Variants in RBPMS observed in about 807,000 individuals in gnomAD.
RBPMS encodes RNA-binding protein with multiple splicing.
Under a neutral mutation model 26.8 loss-of-function variants are expected in RBPMS, and 7 were observed. The observed-to-expected ratio is 0.26, with a 90% CI of 0.15 to 0.49. RBPMS has a LOEUF of 0.49. Ranked by LOEUF, RBPMS falls within the 20% of genes least tolerant of loss-of-function variation. The pLI, the probability that RBPMS is intolerant of heterozygous loss-of-function variation, is 0.98. For synonymous variants in RBPMS, 96 were observed against 93.3 expected (o/e 1.03, Z -0.17); for missense variants, 186 against 250.0 (o/e 0.74, Z 1.73).
intron 5 of RBPMS, 47 bp from the exon 6 acceptor site, chr8:30,544,447 C>T: frequency 6.3e-7 from 1 of 1,577,516 alleles, no homozygotes; most frequent in South Asian, 1.1e-5. Context: ...TGATTTGAAA[C>T]TAGCTGTATG....
chr8:30,556,175 TCCGCCAC>T (rs748727544), intron 6 of RBPMS: 3 of 985,418 alleles, frequency 3.0e-6, no homozygotes, highest in Non-Finnish European at 3.6e-6. Flanking sequence ...GGTCTGTGTG[TCCGCCAC>T]CCGCCACCAC....
intron 1 of RBPMS, among the ~76,000 whole-genome samples, chr8:30,452,151 TAAG>T (rs1269727130): frequency 2.6e-5 from 4 of 152,182 alleles, no homozygotes; most frequent in Non-Finnish European, 5.9e-5. Context: ...AAACAGGTTG[TAAG>T]AAGAAGGTGA....
chr8:30,514,943 G>C, intron 5 of RBPMS, among the ~76,000 whole-genome samples: 1 of 151,922 alleles, frequency 6.6e-6, no homozygotes, highest in East Asian at 1.9e-4. Context: ...ATCATGCATG[G>C]GTAAAGGTCT....
chr8:30,499,870 CTGTGTG>C (rs10543546), intron 4 of RBPMS, among the ~76,000 whole-genome samples: 53,188 of 150,004 alleles, frequency 0.35, 9,854 homozygotes, highest in Non-Finnish European at 0.41. Flanking sequence ...TCAGGGGAAA[CTGTGTG>C]TGTGTGTGTG....
intron 1 of RBPMS, among the ~76,000 whole-genome samples, chr8:30,427,079 C>T (rs192474939): frequency 6.6e-6 from 1 of 152,322 alleles, no homozygotes; most frequent in Non-Finnish European, 1.5e-5. Context: ...GCATGAGCCA[C>T]CACGCCAGGC....
At chr8:30,454,642 T>TG (rs1814989287) in intron 1 of RBPMS, among the ~76,000 whole-genome samples, 1 of 152,234 alleles carries the variant, frequency 6.6e-6, no homozygotes, top group Non-Finnish European at 1.5e-5. Flanking sequence ...ATAAATGTGT[T>TG]GGCCTCTAAT....
intron 4 of RBPMS, among the ~76,000 whole-genome samples, chr8:30,496,066 G>A (rs909907646): frequency 1.3e-5 from 2 of 152,118 alleles, no homozygotes; most frequent in Non-Finnish European, 2.9e-5. Context: ...TTAACATTGT[G>A]TGGGACTATC....
At position 30,570,775 on chromosome 8, in the gene RBPMS, C is replaced by T. The variant is rs1312107709; in HGVS notation, c.*250C>T. Reference sequence around the variant, plus strand: ...TACACTGTATAATTGTAAGAAATAGCGTATTATTTGTGAATGCATGGTCTG... The same window carrying T: ...TACACTGTATAATTGTAAGAAATAGTGTATTATTTGTGAATGCATGGTCTG... On this transcript the variant is annotated 3_prime_UTR_variant, in exon 9 of 9. Coordinates refer to ENST00000397323, the MANE Select transcript of RBPMS (RefSeq NM_001008710.3). 2.0e-5 allele frequency: 3 copies of T among 152,466 alleles called. No homozygotes were observed. Among genetic ancestry groups the T allele is most frequent in the Non-Finnish European group, 4.4e-5 (3 of 68,038 alleles). The allele number at this position is 152,466 out of a possible 1,614,324, so 9.4% of individuals were successfully genotyped here.
chr8:30,571,879 A>G lies in RBPMS; in HGVS notation c.*1354A>G, dbSNP rs1172911665. 1 of 152,212 alleles carries G rather than the reference A, an allele frequency of 6.6e-6. No individual in the cohort carries two copies. Among genetic ancestry groups the G allele is most frequent in the African/African-American group, 2.4e-5 (1 of 41,464 alleles). The allele number at this position is 152,212 out of a possible 1,614,324, so 9.4% of individuals were successfully genotyped here. A position where few individuals can be genotyped will look rare whatever the true frequency, so the allele number is the denominator to read the frequency against. On this transcript the variant is annotated 3_prime_UTR_variant, in exon 9 of 9. Transcript: ENST00000397323. ...TCAGCTGCCAAACACAGTCTTTCCTATTGATCCGCTCGGCTTATGTTGAAA... is the reference window on the plus strand; with the variant it reads ...TCAGCTGCCAAACACAGTCTTTCCTGTTGATCCGCTCGGCTTATGTTGAAA...
intron 5 of RBPMS, among the ~76,000 whole-genome samples, chr8:30,529,016 G>A (rs1158138310): frequency 6.6e-6 from 1 of 151,732 alleles, no homozygotes. Flanking sequence ...AGGAGTTCGA[G>A]ACCAGCCTGG....
intron 6 of RBPMS, among the ~76,000 whole-genome samples, chr8:30,551,113 G>A (rs1826330081): frequency 6.6e-6 from 1 of 152,128 alleles, no homozygotes; most frequent in East Asian, 1.9e-4. Context: ...GGAAACCCGA[G>A]AATCTGCCCC....
At chr8:30,523,412 C>T (rs1159958419) in intron 5 of RBPMS, among the ~76,000 whole-genome samples, 1 of 151,222 alleles carries the variant, frequency 6.6e-6, no homozygotes, top group Admixed American at 6.6e-5. Context: ...TGATGAATTT[C>T]CTGTTTTGTT....
At chr8:30,517,923 A>G (rs1822525422) in intron 5 of RBPMS, among the ~76,000 whole-genome samples, 1 of 152,242 alleles carries the variant, frequency 6.6e-6, no homozygotes, top group Non-Finnish European at 1.5e-5. Flanking sequence ...GTAGGGAGAA[A>G]GAAATCACAA....
chr8:30,547,448 CCT>C (rs1422817469), intron 6 of RBPMS: 5 of 1,577,054 alleles, frequency 3.2e-6, no homozygotes, highest in Admixed American at 2.0e-5. Flanking sequence ...TATTTTCCCC[CCT>C]TTCACAAAAA....
chr8:30,449,590 C>CA (rs1814304314), intron 1 of RBPMS, among the ~76,000 whole-genome samples: 1 of 152,278 alleles, frequency 6.6e-6, no homozygotes, highest in African/African-American at 2.4e-5. Flanking sequence ...AGGCTTGTCT[C>CA]AAACTCCTGA....
At chr8:30,506,335 T>TA (rs1821066011) in intron 5 of RBPMS, among the ~76,000 whole-genome samples, 1 of 72,150 alleles carries the variant, frequency 1.4e-5, no homozygotes, top group Non-Finnish European at 2.7e-5. Context: ...AATTTGAAGT[T>TA]TAAAAAAAAA....
intron 5 of RBPMS, among the ~76,000 whole-genome samples, chr8:30,538,980 A>G (rs770586939): frequency 1.2e-4 from 18 of 152,136 alleles, no homozygotes; most frequent in Non-Finnish European, 1.9e-4. Context: ...ATGGCGGAAG[A>G]GCATGTCTGA....
At chr8:30,551,356 G>A (rs941421579) in intron 6 of RBPMS, among the ~76,000 whole-genome samples, 10 of 152,152 alleles carry the variant, frequency 6.6e-5, no homozygotes, top group Non-Finnish European at 1.0e-4. Context: ...AACCAGAGTC[G>A]GTCCCCTAGT....
At chr8:30,489,446 A>G (rs779521031) in intron 4 of RBPMS, among the ~76,000 whole-genome samples, 2 of 151,226 alleles carry the variant, frequency 1.3e-5, no homozygotes, top group Non-Finnish European at 3.0e-5. Flanking sequence ...TTATTCCTAA[A>G]GTCTCTTTTT....
Sources: allele counts gnomAD v4.1 joint callset (sites outside exome capture counted in the v4.1 genomes callset), GRCh38; gene constraint gnomAD v4.1.1; transcripts MANE v1.5; gene names NCBI Gene and HGNC (gene_info 2026-07-23, HGNC 2026-07-21).